MAPK8IP1: variants seen among roughly 807,000 people sequenced by gnomAD.
MAPK8IP1 encodes the protein C-Jun-amino-terminal kinase-interacting protein 1.
MAPK8IP1 carries 17 observed loss-of-function variants against 72.6 expected under a neutral mutation model. That is an observed-to-expected ratio of 0.23 (90% CI 0.16 to 0.35). The LOEUF is 0.35. MAPK8IP1 is among the 10% of genes least tolerant of loss of function. MAPK8IP1 has a pLI of 1.00. For synonymous variants in MAPK8IP1, 401 were observed against 443.4 expected, an observed-to-expected ratio of 0.90 and a Z score of 1.20; for missense variants, 789 against 1,009.7, an observed-to-expected ratio of 0.78 and a Z score of 2.96.
intron 2 of MAPK8IP1, 138 bp from the exon 3 acceptor site, chr11:45,900,000 A>G (rs2086637138): frequency 2.3e-6 from 1 of 430,260 alleles, no homozygotes; most frequent in East Asian, 6.7e-5. Flanking sequence ...AGAGCGCCCC[A>G]GTCTCCGGCG....
chr11:45,901,811 C>T (rs1265978748), intron 3 of MAPK8IP1, 169 bp from the exon 4 acceptor site: 3 of 744,924 alleles, frequency 4.0e-6, no homozygotes, highest in Non-Finnish European at 4.9e-6. Context: ...TGACTTGCCA[C>T]CCTTCCTGCC....
Position 45,906,244 on chromosome 11 carries a change from C to A in MAPK8IP1, c.*523C>A. The stretch of plus-strand genomic sequence containing the variant: ...AATGGCAACACGTGGAGGTGAAGTC[C>A]CTGTTCTCAGCTCCGTCATCTGCGG... On this transcript the variant is annotated 3_prime_UTR_variant, in exon 12 of 12. Coordinates refer to ENST00000241014, the MANE Select transcript of MAPK8IP1 (RefSeq NM_005456.4). 3.1e-6 allele frequency: 1 copy of A among 322,406 alleles called. No individual in the cohort carries two copies. The highest frequency in any genetic ancestry group is 5.7e-6 in the Non-Finnish European group (1 of 175,568). The allele number at this position is 322,406 out of a possible 1,614,324, so 20.0% of individuals were successfully genotyped here. A position where few individuals can be genotyped will look rare whatever the true frequency, so the allele number is the denominator to read the frequency against.
chr11:45,902,352 A>G lies in MAPK8IP1; in HGVS notation c.605-20A>G, dbSNP rs1218733819. ...GAGTTGGGAGAGAGCCCCTGCCTTC[A>G]TGACCTGCCTGCTCTCCAGGGGAGC... On this transcript the variant is annotated intron_variant, in intron 4 of 11. Transcript: ENST00000241014. The surrounding 1 kb of genome is among the most constrained non-coding windows in gnomAD (Gnocchi z 9.3). The G allele has an allele frequency of 2.6e-6, 4 of 1,545,382 alleles. No individual in the cohort carries two copies. The highest frequency in any genetic ancestry group is 1.8e-4 in the Middle Eastern group (1 of 5,508).
chr11:45,905,881 G>A lies in MAPK8IP1; in HGVS notation c.*160G>A, dbSNP rs2086704647. 2.9e-6 allele frequency: 2 copies of A among 700,298 alleles called. No homozygotes were observed. The highest frequency in any genetic ancestry group is 2.6e-6 in the Non-Finnish European group (1 of 391,106). 43.4% of individuals were successfully genotyped at this position (700,298 alleles called of 1,614,324 possible). A position where few individuals can be genotyped will look rare whatever the true frequency, so the allele number is the denominator to read the frequency against. On this transcript the variant is annotated 3_prime_UTR_variant, in exon 12 of 12. Coordinates refer to ENST00000241014, the MANE Select transcript of MAPK8IP1 (RefSeq NM_005456.4). Reference sequence around the variant, plus strand: ...CAGGGTAGGGGAGGGTGGGGCAATGGGGAGAGGCAAATGCAGTTTATTGTA... The same window carrying A: ...CAGGGTAGGGGAGGGTGGGGCAATGAGGAGAGGCAAATGCAGTTTATTGTA...
rs2086659754 is a variant in MAPK8IP1, at chr11:45,902,267, G to T, written c.605-105G>T. ...GAGCCTGCGAAGGGCCTGTTGCCCA[G>T]GGAGGCTTTGTCTTGGTTTCTGTGT... On this transcript the variant is annotated intron_variant, in intron 4 of 11. Coordinates refer to ENST00000241014, the MANE Select transcript of MAPK8IP1 (RefSeq NM_005456.4). The surrounding 1 kb of genome is among the most constrained non-coding windows in gnomAD (Gnocchi z 9.3). 9.0e-7 allele frequency: 1 copy of T among 1,109,404 alleles called. No individual in the cohort carries two copies. The allele number at this position is 1,109,404 out of a possible 1,614,324, so 68.7% of individuals were successfully genotyped here.
intron 1 of MAPK8IP1, among the ~76,000 whole-genome samples, chr11:45,892,252 A>G (rs1408190325): frequency 6.6e-6 from 1 of 152,062 alleles, no homozygotes; most frequent in East Asian, 1.9e-4. Flanking sequence ...TTCAGCCAGC[A>G]CCGTCTTCCC....
chr11:45,899,414 TCA>T (rs1316921528), intron 2 of MAPK8IP1, among the ~76,000 whole-genome samples: 5 of 152,336 alleles, frequency 3.3e-5, no homozygotes, highest in African/African-American at 1.2e-4. Flanking sequence ...CTCAGCTCTC[TCA>T]GAGGCTGGGA....
chr11:45,901,807 G>T (rs2086654752), intron 3 of MAPK8IP1, 173 bp from the exon 4 acceptor site: 3 of 739,202 alleles, frequency 4.1e-6, no homozygotes, highest in Non-Finnish European at 5.0e-6. Flanking sequence ...GCTGTGACTT[G>T]CCACCCTTCC....
Position 45,902,842 on chromosome 11 carries a change from C to T in MAPK8IP1, c.1075C>T (p.Pro359Ser), listed in dbSNP as rs776358953. 3.8e-6 allele frequency: 6 copies of T among 1,583,382 alleles called. No individual in the cohort carries two copies. In the South Asian group the frequency reaches 6.8e-5, roughly 18 times the overall value. Residue 359 changes from proline (P) to serine (S), a missense_variant, in exon 5 of 12, where the codon CCG becomes TCG. Physicochemically the swap from Pro to Ser is moderately conservative, Grantham distance 74. Transcript: ENST00000241014. This position sits in a 1 kb window ranked among gnomAD's most constrained non-coding sequence, Gnocchi z 9.3. ...AGGGTGGCGGGGGAGCCTGGGGGAG[C>T]CGCCGCCACCTCCACGGGCCTCTCT... ...GGGWRGSLGE[P>S]PPPPRASLSS...
chr11:45,903,852 G>A lies in MAPK8IP1; in HGVS notation c.1494-137G>A. 1 of 821,330 alleles carries A rather than the reference G, an allele frequency of 1.2e-6. No homozygotes were observed. The highest frequency in any genetic ancestry group is 2.1e-6 in the Non-Finnish European group (1 of 479,696). The allele number at this position is 821,330 out of a possible 1,614,324, so 50.9% of individuals were successfully genotyped here. A position where few individuals can be genotyped will look rare whatever the true frequency, so the allele number is the denominator to read the frequency against. ...TTGACCTTGCTCTCCCCTGGGGTTA[G>A]TACTGCAACAGGCACACAGGATGCT... On this transcript the variant is annotated intron_variant, in intron 6 of 11. Coordinates refer to ENST00000241014, the MANE Select transcript of MAPK8IP1 (RefSeq NM_005456.4). The surrounding 1 kb of genome is among the most constrained non-coding windows in gnomAD (Gnocchi z 6.4).
At chr11:45,895,632 AAATATATATATAT>A (rs2086598845) in intron 1 of MAPK8IP1, among the ~76,000 whole-genome samples, 1 of 28,604 alleles carries the variant, frequency 3.5e-5, no homozygotes, top group Admixed American at 6.3e-4. Flanking sequence ...AAAAAAAAAA[AAATATATATATAT>A]ATATATATAT....
rs200233598 is a variant in MAPK8IP1 at position 45,903,330 on chromosome 11, C to T, written c.1418-35C>T. ...CCCCGCTAAACCTGGATCAGAGCTGCGACCCCCCATCCAGCCACACCACCT... is the reference window on the plus strand; with the variant it reads ...CCCCGCTAAACCTGGATCAGAGCTGTGACCCCCCATCCAGCCACACCACCT... On this transcript the variant is annotated intron_variant, in intron 5 of 11. Coordinates refer to ENST00000241014, the MANE Select transcript of MAPK8IP1 (RefSeq NM_005456.4). The surrounding 1 kb of genome is among the most constrained non-coding windows in gnomAD (Gnocchi z 6.4). The T allele has an allele frequency of 5.0e-4, 810 of 1,604,766 alleles. 6 individuals are homozygous for T. The African/African-American group carries it at 8.1e-3, about 16-fold the overall frequency.
chr11:45,906,350 G>T lies in MAPK8IP1; in HGVS notation c.*629G>T. 1 of 500,038 alleles carries T rather than the reference G, an allele frequency of 2.0e-6. No homozygotes were observed. The highest frequency in any genetic ancestry group is 3.3e-6 in the Non-Finnish European group (1 of 306,484). 31.0% of individuals were successfully genotyped at this position (500,038 alleles called of 1,614,324 possible). A position where few individuals can be genotyped will look rare whatever the true frequency, so the allele number is the denominator to read the frequency against. On this transcript the variant is annotated 3_prime_UTR_variant, in exon 12 of 12. Coordinates refer to ENST00000241014, the MANE Select transcript of MAPK8IP1 (RefSeq NM_005456.4). ...CTAGGACCTCAGGCGGGGAGGAGGA[G>T]CTGCCGCAAGGCCCTGTCCCAGCAG...
Position 45,904,472 on chromosome 11 carries a change from G to C in MAPK8IP1, c.1684G>C (p.Asp562His). The C allele has an allele frequency of 6.2e-7, 1 of 1,614,104 alleles. No individual in the cohort carries two copies. The highest frequency in any genetic ancestry group is 1.1e-5 in the South Asian group (1 of 91,062). The change falls in exon 8 of 12, where the codon GAC (aspartate) becomes CAC (histidine). Residue 562 changes from aspartate to histidine, a missense_variant. This residue lies in a region of MAPK8IP1 where 188 missense variants were observed against 293.3 expected (regional missense o/e 0.64). Coordinates refer to ENST00000241014, the MANE Select transcript of MAPK8IP1 (RefSeq NM_005456.4). The surrounding 1 kb of genome is among the most constrained non-coding windows in gnomAD (Gnocchi z 6.4). ...EHMAALAKNSDWVDQFRVKFL... is the reference protein window; with the variant it reads ...EHMAALAKNSHWVDQFRVKFL... ...CTTTCCAGCCCTGGCCAAAAACAGTGACTGGGTGGACCAGTTCCGGGTGAA... is the reference window on the plus strand; with the variant it reads ...CTTTCCAGCCCTGGCCAAAAACAGTCACTGGGTGGACCAGTTCCGGGTGAA...
At chr11:45,901,749 C>A (rs183007245) in intron 3 of MAPK8IP1, among the ~76,000 whole-genome samples, 44 of 152,318 alleles carry the variant, frequency 2.9e-4, no homozygotes, top group Admixed American at 2.2e-3. Context: ...TGAGGGTTGG[C>A]CAGCTTCCCT....
intron 1 of MAPK8IP1, among the ~76,000 whole-genome samples, chr11:45,889,298 C>T (rs1427883473): frequency 1.3e-5 from 2 of 152,130 alleles, no homozygotes; most frequent in Non-Finnish European, 2.9e-5. Flanking sequence ...TATGTTGGTG[C>T]TCAAACATTT....
rs2134679308 is a variant in MAPK8IP1 at position 45,905,266 on chromosome 11, C to T, written c.2063+17C>T. 1 of 1,605,598 alleles carries T rather than the reference C, an allele frequency of 6.2e-7. No homozygotes were observed. Among genetic ancestry groups the T allele is most frequent in the East Asian group, 2.2e-5 (1 of 44,838 alleles). On this transcript the variant is annotated intron_variant, in intron 11 of 11. Coordinates refer to ENST00000241014, the MANE Select transcript of MAPK8IP1 (RefSeq NM_005456.4). ...GTCCGTGGGGTACGTGTACACCCTG[C>T]TGAGCACCCAGCCCGAGGGAGCACG...
chr11:45,894,599 G>A (rs2086589774), intron 1 of MAPK8IP1, among the ~76,000 whole-genome samples: 1 of 152,190 alleles, frequency 6.6e-6, no homozygotes, highest in Admixed American at 6.5e-5. Context: ...CTCTAACCCA[G>A]GTCTAAGCCA....
chr11:45,895,032 C>T (rs2086592703), intron 1 of MAPK8IP1, among the ~76,000 whole-genome samples: 1 of 152,220 alleles, frequency 6.6e-6, no homozygotes, highest in Non-Finnish European at 1.5e-5. Context: ...CCTCTGAGCA[C>T]TGGGTTTGGC....
Sources: gnomAD v4.1 joint callset for allele counts (sites outside exome capture counted in the v4.1 genomes callset) on GRCh38, gnomAD v4.1.1 for gene constraint, gnomAD v4.1.1 regional missense constraint, Gnocchi (gnomAD v3.1) non-coding constraint, MANE v1.5 for transcripts, NCBI Gene and HGNC (gene_info 2026-07-23, HGNC 2026-07-21) for gene names.